SYCP2L: variants seen among roughly 807,000 people sequenced by gnomAD.
SYCP2L encodes synaptonemal complex protein 2 like, also known as synaptonemal complex protein 2-like.
Under a neutral mutation model 125.8 loss-of-function variants are expected in SYCP2L, and 98 were observed. The ratio of observed to expected loss-of-function variants is 0.78; its 90% confidence interval spans 0.66 to 0.92. SYCP2L has a LOEUF of 0.92. SYCP2L is among the 40% of genes least tolerant of loss of function. SYCP2L has a pLI of 0.00. For synonymous variants in SYCP2L, 317 were observed against 325.4 expected (o/e 0.97, Z 0.28); for missense variants, 842 against 936.4 (o/e 0.90, Z 1.32).
At chr6:10,907,431 T>C in intron 9 of SYCP2L, 111 bp from the exon 10 acceptor site, 2 of 970,718 alleles carry the variant, frequency 2.1e-6, no homozygotes, top group Non-Finnish European at 1.5e-6. Context: ...TAAGACACAA[T>C]GCTAGGCTTC....
intron 14 of SYCP2L, 149 bp from the exon 15 acceptor site, chr6:10,924,347 A>T: frequency 1.7e-6 from 1 of 599,158 alleles, no homozygotes; most frequent in Non-Finnish European, 2.6e-6. Context: ...ACAATTTCAA[A>T]GTAATGTTAT....
chr6:10,963,970 T>TTG lies in SYCP2L; in HGVS notation c.*37+128_*37+129insGT, dbSNP rs1581846415. On this transcript the variant is annotated intron_variant, in intron 29 of 29. Coordinates refer to ENST00000283141, the MANE Select transcript of SYCP2L (RefSeq NM_001040274.3). ...GCAGCGGAACTTCTCCATTTTTTTT[T>TTG]TTTTTTTGATGGAGTCTCACTCTGT... 6.0e-6 allele frequency: 4 copies of TTG among 669,780 alleles called. No individual in the cohort carries two copies. The East Asian group carries it at 1.3e-4, about 21-fold the overall frequency. 41.5% of individuals were successfully genotyped at this position (669,780 alleles called of 1,614,324 possible).
At chr6:10,933,234 A>T (rs926568120) in intron 20 of SYCP2L, among the ~76,000 whole-genome samples, 1 of 152,250 alleles carries the variant, frequency 6.6e-6, no homozygotes, top group Non-Finnish European at 1.5e-5. Context: ...AGGGCCAGAT[A>T]GTAAATACTT....
At chr6:10,956,745 A>G (rs552202515) in intron 25 of SYCP2L, among the ~76,000 whole-genome samples, 31 of 150,542 alleles carry the variant, frequency 2.1e-4, no homozygotes, top group African/African-American at 7.3e-4. Context: ...TTACAGGTGT[A>G]AGCCACCAAG....
At chr6:10,958,974 C>A in intron 26 of SYCP2L, 99 bp downstream of exon 26, 1 of 985,344 alleles carries the variant, frequency 1.0e-6, no homozygotes, top group South Asian at 1.4e-5. Context: ...GAGTTGGGGC[C>A]TGAGCAGATG....
intron 2 of SYCP2L, 37 bp from the exon 3 acceptor site, chr6:10,893,830 T>TG: frequency 1.3e-6 from 2 of 1,595,918 alleles, no homozygotes; most frequent in Non-Finnish European, 1.7e-6. Flanking sequence ...TAAATGTTCT[T>TG]GGGGAAAAAG....
At chr6:10,940,420 A>G (rs1781196002) in intron 21 of SYCP2L, among the ~76,000 whole-genome samples, 1 of 152,202 alleles carries the variant, frequency 6.6e-6, no homozygotes, top group African/African-American at 2.4e-5. Context: ...AGGATATGGA[A>G]TCAGCCTAAG....
At chr6:10,913,068 G>A (rs1780636703) in intron 14 of SYCP2L, 141 bp downstream of exon 14, 9 of 680,386 alleles carry the variant, frequency 1.3e-5, no homozygotes, top group East Asian at 2.8e-5. Flanking sequence ...TAGAAGGTGC[G>A]CTGTCACAGG....
rs138250074 is a variant in SYCP2L at position 10,912,731 on chromosome 6, G to A, written c.977G>A (p.Ser326Asn). 1.5e-4 allele frequency: 244 copies of A among 1,613,850 alleles called. 2 individuals carry two copies. In the East Asian group the frequency reaches 5.4e-3, roughly 35 times the overall value. Residue 326 changes from serine to asparagine, a missense_variant, in exon 13 of 30, where the codon AGT becomes AAT. Physicochemically the swap from Ser to Asn is conservative, Grantham distance 46 (BLOSUM62 1). Coordinates refer to ENST00000283141, the MANE Select transcript of SYCP2L (RefSeq NM_001040274.3). This position sits in a 1 kb window ranked among gnomAD's most constrained non-coding sequence, Gnocchi z 4.1. ...TTTTGGATCGACTTCAACCTAGGAA[G>A]TCAGAGTGTCACTTTTTATATAGAC... ...EKFWIDFNLG[S>N]QSVTFYIDNA...
chr6:10,950,639 C>T (rs553973125), intron 23 of SYCP2L, among the ~76,000 whole-genome samples: 1 of 152,140 alleles, frequency 6.6e-6, no homozygotes, highest in South Asian at 2.1e-4. Flanking sequence ...ACTAGAGCCT[C>T]TCCTCCAGCT....
At chr6:10,947,074 A>T (rs538339344) in intron 23 of SYCP2L, among the ~76,000 whole-genome samples, 1 of 152,088 alleles carries the variant, frequency 6.6e-6, no homozygotes, top group Non-Finnish European at 1.5e-5. Flanking sequence ...CCTGTTCACC[A>T]GTATCTAATA....
intron 6 of SYCP2L, among the ~76,000 whole-genome samples, chr6:10,901,311 C>T (rs1780373419): frequency 1.3e-5 from 2 of 152,164 alleles, no homozygotes; most frequent in African/African-American, 4.8e-5. Context: ...ATGGTCAGAG[C>T]TTTTCATCGT....
At chr6:10,888,545 A>G (rs1217321994) in intron 1 of SYCP2L, among the ~76,000 whole-genome samples, 2 of 152,304 alleles carry the variant, frequency 1.3e-5, no homozygotes, top group Middle Eastern at 3.4e-3. Context: ...CTTTCTGTGT[A>G]CTAGAGTGGC....
At chr6:10,967,921 G>A (rs1265807449) in intron 29 of SYCP2L, among the ~76,000 whole-genome samples, 1 of 152,158 alleles carries the variant, frequency 6.6e-6, no homozygotes, top group Non-Finnish European at 1.5e-5. Flanking sequence ...AGAAAGTAGA[G>A]AGAAGGCTTC....
chr6:10,931,503 A>T lies in SYCP2L; in HGVS notation c.1683+14A>T. The stretch of plus-strand genomic sequence containing the variant: ...GAGAAAGACCAAGTAAGTACATTGT[A>T]TCTGGGTTGCTGTGTGCCCTGTGAG... On this transcript the variant is annotated intron_variant, in intron 20 of 29. Coordinates refer to ENST00000283141, the MANE Select transcript of SYCP2L (RefSeq NM_001040274.3). The T allele has an allele frequency of 6.2e-7, 1 of 1,613,510 alleles. No homozygotes were observed.
intron 1 of SYCP2L, among the ~76,000 whole-genome samples, chr6:10,890,891 A>G (rs1156235613): frequency 6.6e-6 from 1 of 152,178 alleles, no homozygotes; most frequent in African/African-American, 2.4e-5. Context: ...TCATTCTTCC[A>G]CATATAAATA....
intron 14 of SYCP2L, among the ~76,000 whole-genome samples, chr6:10,917,758 G>A (rs1284240345): frequency 6.6e-6 from 1 of 152,136 alleles, no homozygotes; most frequent in East Asian, 1.9e-4. Flanking sequence ...TGTGATTTAT[G>A]CCTTAAAGAG....
At chr6:10,927,197 G>A (rs377449538) in intron 16 of SYCP2L, 43 bp from the exon 17 acceptor site, 117 of 1,609,458 alleles carry the variant, frequency 7.3e-5, no homozygotes, top group South Asian at 4.8e-4. Flanking sequence ...GTATGTCAGC[G>A]TGTGCACGGT....
At chr6:10,916,810 T>C (rs13212347) in intron 14 of SYCP2L, among the ~76,000 whole-genome samples, 6 of 152,158 alleles carry the variant, frequency 3.9e-5, no homozygotes, top group African/African-American at 1.4e-4. Context: ...GTCAACATGG[T>C]GAAACCCTGT....
Sources: gnomAD v4.1 joint callset for allele counts (sites outside exome capture counted in the v4.1 genomes callset) on GRCh38, gnomAD v4.1.1 for gene constraint, Gnocchi (gnomAD v3.1) non-coding constraint, MANE v1.5 for transcripts, NCBI Gene and HGNC (gene_info 2026-07-23, HGNC 2026-07-21) for gene names.